Variants in IQCH observed in about 807,000 individuals in gnomAD.
IQCH encodes the protein IQ motif containing H, also known as IQ domain-containing protein H.
Under a neutral mutation model 117.0 loss-of-function variants are expected in IQCH, and 98 were observed. That is an observed-to-expected ratio of 0.84 (90% CI 0.71 to 0.99). IQCH has a LOEUF of 0.99. Ranked by LOEUF, IQCH falls within the 50% of genes least tolerant of loss-of-function variation. IQCH has a pLI of 0.00. For synonymous variants in IQCH, 412 were observed against 448.2 expected, an observed-to-expected ratio of 0.92 and a Z score of 1.02; for missense variants, 1,102 against 1,243.8, an observed-to-expected ratio of 0.89 and a Z score of 1.72.
In IQCH at chr15:67,458,587, C is replaced by A. The variant is rs1363582228; in HGVS notation, c.2506-6540C>A. On this transcript the variant is annotated intron_variant, in intron 16 of 20. Transcript: ENST00000335894. This position sits in a 1 kb window ranked among gnomAD's most constrained non-coding sequence, Gnocchi z 4.1. ...CAACACTCTCCAGTGCATTCCCAGC[C>A]TCCACAGCTGTAAAAAGGAAATAAG... 1.3e-5 allele frequency among the ~76,000 whole-genome samples: 2 copies of A among 152,212 alleles called. No homozygotes were observed. Among genetic ancestry groups the A allele is most frequent in the Non-Finnish European group, 2.9e-5 (2 of 68,040 alleles).
intron 15 of IQCH, among the ~76,000 whole-genome samples, chr15:67,418,439 T>G (rs1262022582): frequency 1.4e-5 from 2 of 147,572 alleles, no homozygotes; most frequent in Non-Finnish European, 3.0e-5. Context: ...TTCTGTAAAT[T>G]TCCACATGTA....
At chr15:67,267,375 C>T (rs1965720037) in intron 3 of IQCH, among the ~76,000 whole-genome samples, 1 of 152,188 alleles carries the variant, frequency 6.6e-6, no homozygotes, top group South Asian at 2.1e-4. Flanking sequence ...TGCATTTTAG[C>T]AAACATTCTT....
At chr15:67,372,009 A>G (rs2140788120) in intron 8 of IQCH, 102 bp from the exon 9 acceptor site, 1 of 1,011,000 alleles carries the variant, frequency 9.9e-7, no homozygotes, top group Middle Eastern at 3.3e-4. Context: ...ATATCTTCCC[A>G]CCATTGAATG....
intron 4 of IQCH, among the ~76,000 whole-genome samples, chr15:67,286,592 TTATTTATTTATTTATTTATTTATG>T (rs1966569820): frequency 9.9e-6 from 1 of 100,566 alleles, no homozygotes; most frequent in Admixed American, 1.2e-4. Flanking sequence ...TTTTATTTAT[TTATTTATTTATTTATTTATTTATG>T]TATTTATTTA....
chr15:67,355,830 G>A (rs1036684323), intron 6 of IQCH, among the ~76,000 whole-genome samples: 7 of 152,168 alleles, frequency 4.6e-5, no homozygotes, highest in Non-Finnish European at 8.8e-5. Context: ...TTTAGTGATA[G>A]CATTTCTGCA....
chr15:67,309,943 TA>T (rs1240178718), intron 4 of IQCH, among the ~76,000 whole-genome samples: 1 of 150,608 alleles, frequency 6.6e-6, no homozygotes, highest in Non-Finnish European at 1.5e-5. Context: ...ATACAGATAA[TA>T]TATTAACATT....
intron 1 of IQCH, among the ~76,000 whole-genome samples, chr15:67,258,901 CTT>C (rs1965343977): frequency 6.6e-6 from 1 of 152,136 alleles, no homozygotes; most frequent in Non-Finnish European, 1.5e-5. Flanking sequence ...GTCTGGTTAA[CTT>C]TTTCTATAGT....
At chr15:67,437,384 G>A (rs1030518666) in intron 16 of IQCH, among the ~76,000 whole-genome samples, 3 of 152,254 alleles carry the variant, frequency 2.0e-5, no homozygotes, top group East Asian at 1.9e-4. Context: ...GGAACAACCC[G>A]TGGGACAAAA....
chr15:67,431,947 G>A lies in IQCH; in HGVS notation c.2505+10370G>A, dbSNP rs1405790486. 2.6e-5 allele frequency among the ~76,000 whole-genome samples: 4 copies of A among 152,102 alleles called. No individual in the cohort carries two copies. ...CCTACATGGGAGGCTGAGGCAGGAG[G>A]ATCACTTAAGCCCAGGAGTTGGAGG... On this transcript the variant is annotated intron_variant, in intron 16 of 20. Transcript: ENST00000335894. The surrounding 1 kb of genome is among the most constrained non-coding windows in gnomAD (Gnocchi z 4.8).
intron 6 of IQCH, among the ~76,000 whole-genome samples, chr15:67,354,990 A>T (rs10152913): frequency 0.21 from 31,968 of 152,046 alleles, 4,104 homozygotes; most frequent in East Asian, 0.48. Flanking sequence ...CTCACTGCTC[A>T]CTGCTAGCTA....
At chr15:67,380,458 T>G (rs542708326) in intron 10 of IQCH, among the ~76,000 whole-genome samples, 2 of 152,360 alleles carry the variant, frequency 1.3e-5, no homozygotes, top group South Asian at 4.1e-4. Context: ...TAGAGCTGTT[T>G]CTTGCCATCT....
chr15:67,341,898 A>G (rs1969191688), intron 5 of IQCH, among the ~76,000 whole-genome samples: 1 of 152,240 alleles, frequency 6.6e-6, no homozygotes, highest in African/African-American at 2.4e-5. Flanking sequence ...AACAATAATT[A>G]GTGACATTCT....
intron 13 of IQCH, 144 bp from the exon 14 acceptor site, chr15:67,399,970 C>T: frequency 3.5e-6 from 2 of 577,596 alleles, no homozygotes; most frequent in South Asian, 3.1e-5. Flanking sequence ...CTTCTTTAAT[C>T]TGTCTTAATA....
chr15:67,281,682 G>A (rs1399303377), intron 4 of IQCH: 2 of 454,050 alleles, frequency 4.4e-6, no homozygotes, highest in African/African-American at 4.0e-5. Flanking sequence ...ATTCTCTACA[G>A]AAGCAAAATT....
rs1031537047 is a variant in IQCH at position 67,366,783 on chromosome 15, C to T, written c.754-5328C>T. ...CAGGCCCCAGAATACTGGAACACTA[C>T]TCTTTGGGGTTCTCTCCCCATGACC... On this transcript the variant is annotated intron_variant, in intron 8 of 20. Coordinates refer to ENST00000335894, the MANE Select transcript of IQCH (RefSeq NM_001031715.3). The surrounding 1 kb of genome is among the most constrained non-coding windows in gnomAD (Gnocchi z 4.4). Among the ~76,000 whole-genome samples, 1 of 152,192 alleles carries T rather than the reference C, an allele frequency of 6.6e-6. No individual in the cohort carries two copies. Among genetic ancestry groups the T allele is most frequent in the Non-Finnish European group, 1.5e-5 (1 of 68,032 alleles).
intron 18 of IQCH, among the ~76,000 whole-genome samples, chr15:67,486,604 G>C (rs2083487340): frequency 6.6e-6 from 1 of 152,112 alleles, no homozygotes; most frequent in Non-Finnish European, 1.5e-5. Context: ...CCACTTACTA[G>C]AAAGGATTTG....
rs1203300100 is a variant in IQCH, at chr15:67,493,542, G to T, written c.2862-716G>T. On this transcript the variant is annotated intron_variant, in intron 19 of 20. Transcript: ENST00000335894. This position sits in a 1 kb window ranked among gnomAD's most constrained non-coding sequence, Gnocchi z 5.1. ...AGGAATCACTTGTACCTGTGAAATA[G>T]AAAATAAACCCTAGACAAAAGACTC... 2.6e-5 allele frequency among the ~76,000 whole-genome samples: 4 copies of T among 152,198 alleles called. No homozygotes were observed. The highest frequency in any genetic ancestry group is 9.7e-5 in the African/African-American group (4 of 41,448).
At chr15:67,440,278 G>A (rs1300910653) in intron 16 of IQCH, among the ~76,000 whole-genome samples, 1 of 152,168 alleles carries the variant, frequency 6.6e-6, no homozygotes, top group Non-Finnish European at 1.5e-5. Context: ...CAGCAGAGTT[G>A]TACCAGACAT....
Position 67,413,808 on chromosome 15 carries a change from G to C in IQCH, c.2098-3123G>C, listed in dbSNP as rs2081508699. ...CTGTGTACCTCTCATGGTAGGACAC[G>C]ATTACTCCTCCAGATTCCAGCAGCC... is the stretch of plus-strand genomic sequence containing the variant. On this transcript the variant is annotated intron_variant, in intron 14 of 20. Transcript: ENST00000335894. The surrounding 1 kb of genome is among the most constrained non-coding windows in gnomAD (Gnocchi z 5.0). 6.6e-6 allele frequency among the ~76,000 whole-genome samples: 1 copy of C among 152,098 alleles called. No homozygotes were observed. The highest frequency in any genetic ancestry group is 6.5e-5 in the Admixed American group (1 of 15,284).
Sources: gnomAD v4.1 joint callset for allele counts (sites outside exome capture counted in the v4.1 genomes callset) on GRCh38, gnomAD v4.1.1 for gene constraint, Gnocchi (gnomAD v3.1) non-coding constraint, MANE v1.5 for transcripts, NCBI Gene and HGNC (gene_info 2026-07-23, HGNC 2026-07-21) for gene names.